Variants in NSMCE2 observed in about 807,000 individuals in gnomAD.
NSMCE2 encodes NSE2 SUMO ligase component of SMC5/6 complex.
A neutral mutation model predicts 23.8 loss-of-function variants in NSMCE2; 24 were observed. The ratio of observed to expected loss-of-function variants is 1.01; its 90% CI spans 0.73 to 1.42. The LOEUF is 1.42. Among genes scored for constraint, NSMCE2 ranks in the 40% most tolerant of loss-of-function variants. The pLI is 0.00. For missense variants in NSMCE2, 284 were observed against 296.5 expected (o/e 0.96, Z 0.31); for synonymous variants, 92 against 94.1 (o/e 0.98, Z 0.13).
At chr8:125,219,250 A>C (rs1824737282) in intron 5 of NSMCE2, among the ~76,000 whole-genome samples, 1 of 152,218 alleles carries the variant, frequency 6.6e-6, no homozygotes, top group African/African-American at 2.4e-5. Flanking sequence ...GCCTGGATAT[A>C]AATGAAAGAT....
intron 5 of NSMCE2, among the ~76,000 whole-genome samples, chr8:125,288,873 C>A (rs945312017): frequency 2.0e-5 from 3 of 152,142 alleles, no homozygotes; most frequent in Admixed American, 6.5e-5. Flanking sequence ...TGGCTCACTG[C>A]AGCCTCAACC....
chr8:125,099,197 T>A (rs1425488977), intron 1 of NSMCE2, among the ~76,000 whole-genome samples: 2 of 152,026 alleles, frequency 1.3e-5, no homozygotes, highest in Non-Finnish European at 2.9e-5. Flanking sequence ...AATACAAGAA[T>A]GTCGTTTGGC....
chr8:125,165,973 A>C (rs557105838), intron 4 of NSMCE2, among the ~76,000 whole-genome samples: 66 of 152,208 alleles, frequency 4.3e-4, no homozygotes, highest in Non-Finnish European at 6.3e-4. Flanking sequence ...AAGGATAAAG[A>C]GCATTAATAA....
intron 3 of NSMCE2, among the ~76,000 whole-genome samples, chr8:125,106,013 A>C (rs998360840): frequency 6.0e-5 from 9 of 150,272 alleles, no homozygotes; most frequent in Non-Finnish European, 1.2e-4. Context: ...TTATGAACTC[A>C]ATATGTATAT....
intron 5 of NSMCE2, among the ~76,000 whole-genome samples, chr8:125,263,222 A>G (rs1826773711): frequency 6.6e-6 from 1 of 152,184 alleles, no homozygotes; most frequent in Non-Finnish European, 1.5e-5. Context: ...TGGATTTGAA[A>G]ATTCAAAGCG....
At chr8:125,264,863 C>T (rs1037740297) in intron 5 of NSMCE2, among the ~76,000 whole-genome samples, 1 of 152,152 alleles carries the variant, frequency 6.6e-6, no homozygotes, top group African/African-American at 2.4e-5. Flanking sequence ...TACCTTGACA[C>T]ATGCAAATAT....
intron 5 of NSMCE2, among the ~76,000 whole-genome samples, chr8:125,269,457 G>T (rs992515404): frequency 4.6e-5 from 7 of 152,046 alleles, no homozygotes; most frequent in Admixed American, 2.6e-4. Context: ...GTTTAACTTT[G>T]TATCTATGGA....
At chr8:125,245,737 C>G (rs1825935571) in intron 5 of NSMCE2, among the ~76,000 whole-genome samples, 2 of 151,982 alleles carry the variant, frequency 1.3e-5, no homozygotes, top group Admixed American at 1.3e-4. Context: ...AAATTAAGAT[C>G]AAAAGAAAAT....
intron 5 of NSMCE2, among the ~76,000 whole-genome samples, chr8:125,331,587 T>A (rs1586781562): frequency 6.7e-6 from 1 of 149,566 alleles, no homozygotes; most frequent in South Asian, 2.2e-4. Flanking sequence ...TTAAAAACGA[T>A]CTTTTTTTTT....
At chr8:125,355,734 T>G (rs944314713) in intron 5 of NSMCE2, among the ~76,000 whole-genome samples, 4 of 151,992 alleles carry the variant, frequency 2.6e-5, no homozygotes, top group Non-Finnish European at 5.9e-5. Context: ...CTATTGATCT[T>G]TAACTTCTGT....
chr8:125,360,679 G>A (rs1436471021), intron 7 of NSMCE2, among the ~76,000 whole-genome samples: 1 of 152,110 alleles, frequency 6.6e-6, no homozygotes, highest in Non-Finnish European at 1.5e-5. Flanking sequence ...TAGAACTCAG[G>A]GCCTTCTTGA....
chr8:125,333,563 G>A (rs1287011966), intron 5 of NSMCE2, among the ~76,000 whole-genome samples: 1 of 115,830 alleles, frequency 8.6e-6, no homozygotes, highest in Non-Finnish European at 1.6e-5. Context: ...CGCCCAGGCT[G>A]GAGTGCAGTG....
intron 5 of NSMCE2, among the ~76,000 whole-genome samples, chr8:125,256,652 GCGGTGGCTCA>G (rs1454995603): frequency 3.9e-5 from 6 of 151,998 alleles, no homozygotes; most frequent in Non-Finnish European, 8.8e-5. Context: ...ACTGTTGGGT[GCGGTGGCTCA>G]CGCCTGTAAT....
chr8:125,366,043 A>G (rs1813775760), intron 7 of NSMCE2, among the ~76,000 whole-genome samples: 1 of 152,020 alleles, frequency 6.6e-6, no homozygotes, highest in Non-Finnish European at 1.5e-5. Flanking sequence ...CCACATGCAG[A>G]CTTGTTCCCA....
intron 5 of NSMCE2, among the ~76,000 whole-genome samples, chr8:125,271,193 G>A (rs1563755121): frequency 6.6e-6 from 1 of 151,838 alleles, no homozygotes; most frequent in Admixed American, 6.6e-5. Flanking sequence ...CCTGGGAGGT[G>A]GAGGTTGCAG....
chr8:125,333,494 T>C (rs1364017771), intron 5 of NSMCE2, among the ~76,000 whole-genome samples: 3 of 140,180 alleles, frequency 2.1e-5, no homozygotes, highest in South Asian at 2.3e-4. Context: ...AATGTAGTTT[T>C]CCTGGTGGTT....
At chr8:125,134,670 G>A (rs1819967521) in intron 3 of NSMCE2, among the ~76,000 whole-genome samples, 1 of 148,960 alleles carries the variant, frequency 6.7e-6, no homozygotes, top group South Asian at 2.1e-4. Flanking sequence ...TTCTTTATCA[G>A]ATATATGATT....
chr8:125,174,754 A>G (rs1017865964), intron 4 of NSMCE2, among the ~76,000 whole-genome samples: 4 of 152,232 alleles, frequency 2.6e-5, no homozygotes, highest in African/African-American at 9.6e-5. Context: ...AGTGTATTAC[A>G]ACACCTTGGC....
At chr8:125,284,395 G>A (rs1057088597) in intron 5 of NSMCE2, among the ~76,000 whole-genome samples, 4 of 152,072 alleles carry the variant, frequency 2.6e-5, no homozygotes, top group Non-Finnish European at 2.9e-5. Context: ...GGATTCTAGC[G>A]GAGTCACATG....
Sources: gnomAD v4.1 joint callset for allele counts (sites outside exome capture counted in the v4.1 genomes callset) on GRCh38, gnomAD v4.1.1 for gene constraint, MANE v1.5 for transcripts, NCBI Gene and HGNC (gene_info 2026-07-23, HGNC 2026-07-21) for gene names.